Variants in AKNA observed in about 807,000 individuals in gnomAD.
AKNA encodes the protein AT-hook transcription factor, also known as microtubule organization protein AKNA.
Under a neutral mutation model 138.8 loss-of-function variants are expected in AKNA, and 67 were observed. The observed-to-expected ratio is 0.48, with a 90% CI of 0.40 to 0.59. The LOEUF is 0.59. AKNA is among the 20% of genes least tolerant of loss of function. The pLI is 0.00. For synonymous variants in AKNA, 737 were observed against 754.4 expected, an observed-to-expected ratio of 0.98 and a Z score of 0.38; for missense variants, 1,813 against 1,880.4, an observed-to-expected ratio of 0.96 and a Z score of 0.66.
intron 6 of AKNA, 106 bp downstream of exon 6, chr9:114,367,437 G>T: frequency 7.3e-7 from 1 of 1,366,136 alleles, no homozygotes; most frequent in Non-Finnish European, 9.9e-7. Flanking sequence ...AGAGGCAGGG[G>T]AATGACAAGT....
In AKNA at chr9:114,337,086, C is replaced by A. The variant is rs768500725; in HGVS notation, c.4288G>T (p.Ala1430Ser). 6.8e-7 allele frequency: 1 copy of A among 1,475,762 alleles called. No individual in the cohort carries two copies. The highest frequency in any genetic ancestry group is 3.0e-5 in the East Asian group (1 of 33,270). 91.4% of individuals were successfully genotyped at this position (1,475,762 alleles called of 1,614,324 possible). The stretch of plus-strand genomic sequence containing the variant: ...AGGCAGGAGCCCCGCAGGCTGTGAG[C>A]CTGGCGCAGGTCGGCTGACAGCGAG... ...RSSLSADLRQ[A>S]HSLRGSCLF Residue 1430 changes from alanine to serine, a missense_variant, in exon 22 of 22, where the codon GCT (alanine) becomes TCT (serine). Coordinates refer to ENST00000374088, the MANE Select transcript of AKNA (RefSeq NM_001317950.2).
chr9:114,342,692 C>T (rs1830435522), intron 19 of AKNA, among the ~76,000 whole-genome samples: 1 of 152,212 alleles, frequency 6.6e-6, no homozygotes, highest in Non-Finnish European at 1.5e-5. Context: ...GTCTGTTTCT[C>T]TTTCAGGCCT....
chr9:114,371,261 C>T (rs1832751109), intron 4 of AKNA, among the ~76,000 whole-genome samples: 1 of 152,236 alleles, frequency 6.6e-6, no homozygotes, highest in Non-Finnish European at 1.5e-5. Flanking sequence ...TGTGGTGTCA[C>T]TCGTGGGCTT....
intron 15 of AKNA, chr9:114,348,759 C>G (rs1003469381): frequency 9.4e-6 from 4 of 423,894 alleles, no homozygotes; most frequent in African/African-American, 4.1e-5. Context: ...CCCCTCCCCA[C>G]AAGACCCCCT....
chr9:114,374,309 G>A (rs1000764048), intron 3 of AKNA, 142 bp from the exon 4 acceptor site: 1 of 816,644 alleles, frequency 1.2e-6, no homozygotes, highest in South Asian at 1.6e-5. Context: ...GATCCGAGCT[G>A]AGCAATCTTC....
chr9:114,387,755 C>CCTGGCTGGGCTGGTCCGG (rs1564102301), intron 1 of AKNA, 105 bp downstream of exon 1: 1 of 224,094 alleles, frequency 4.5e-6, no homozygotes, highest in Non-Finnish European at 1.0e-5. Context: ...GCTGCAACTT[C>CCTGGCTGGGCTGGTCCGG]CTGGCTGGGC....
chr9:114,376,531 T>C lies in AKNA; in HGVS notation c.1276A>G (p.Ile426Val), dbSNP rs1179018279. The C allele has an allele frequency of 8.1e-6, 13 of 1,613,882 alleles. No individual in the cohort carries two copies. The highest frequency in any genetic ancestry group is 2.7e-5 in the African/African-American group (2 of 74,876). Reference protein sequence around the residue: ...LAKDTPPAHPITRVPQEFQTP... With the variant: ...LAKDTPPAHPVTRVPQEFQTP... ...TGAAATTCTTGGGGTACCCTGGTGA[T>C]AGGGTGGGCAGGAGGCGTGTCCTTT... is the stretch of plus-strand genomic sequence containing the variant. The change falls in exon 3 of 22, where the codon ATC becomes GTC. Residue 426 changes from isoleucine (I) to valine (V), a missense_variant. Ile to Val is a conservative substitution (Grantham distance 29). Coordinates refer to ENST00000374088, the MANE Select transcript of AKNA (RefSeq NM_001317950.2).
rs1833641522 is a variant in AKNA, at chr9:114,381,188, T to C, written c.146A>G (p.Asn49Ser). 7 of 1,614,174 alleles carry C rather than the reference T, an allele frequency of 4.3e-6. No individual in the cohort carries two copies. The highest frequency in any genetic ancestry group is 3.3e-5 in the Admixed American group (2 of 60,024). ...CTCTAGGAGCTCGGGGCTGGTGGCA[T>C]TGGGAAAGAGTCTCTCTTCTTCCCA... is the stretch of plus-strand genomic sequence containing the variant. ...QSWEEERLFP[N>S]ATSPELLEDF... The change falls in exon 2 of 22, where the codon AAT becomes AGT. Residue 49 changes from asparagine to serine, a missense_variant. Physicochemically the swap from Asn to Ser is conservative, Grantham distance 46. Transcript: ENST00000374088.
At chr9:114,342,147 T>A in intron 19 of AKNA, 22 bp from the exon 20 acceptor site, 1 of 1,523,454 alleles carries the variant, frequency 6.6e-7, no homozygotes, top group Admixed American at 2.1e-5. Context: ...GGAAGAGATG[T>A]CAGGGGAGGA....
chr9:114,337,791 G>GTAA (rs35676827), intron 21 of AKNA, among the ~76,000 whole-genome samples: 36,892 of 151,160 alleles, frequency 0.24, 4,599 homozygotes, highest in South Asian at 0.32. Context: ...ATTAATAATA[G>GTAA]TAATAATAAT....
rs539561185 is a variant in AKNA at position 114,359,719 on chromosome 9, T to C, written c.2367A>G (p.Glu789=). The change falls in exon 11 of 22, where the codon GAA becomes GAG. Residue 789 remains glutamate, a synonymous_variant. Coordinates refer to ENST00000374088, the MANE Select transcript of AKNA (RefSeq NM_001317950.2). ...EEEEGEEEEE[E]EGGGDSLEVD... ...CTTCCAGGGAGTCACCTCCCCCCTC[T>C]TCCTCCTCCTCCTCCTCTCCTTCTT... The C allele has an allele frequency of 3.1e-6, 5 of 1,608,694 alleles. No homozygotes were observed. The highest frequency in any genetic ancestry group is 4.2e-6 in the Non-Finnish European group (5 of 1,177,264).
chr9:114,354,959 C>A (rs947954090), intron 14 of AKNA, among the ~76,000 whole-genome samples: 2 of 149,330 alleles, frequency 1.3e-5, no homozygotes, highest in African/African-American at 5.0e-5. Context: ...ACCTCTGCCT[C>A]CGCCTCCTGG....
chr9:114,363,102 A>C (rs1588985983), intron 7 of AKNA, among the ~76,000 whole-genome samples: 1 of 152,228 alleles, frequency 6.6e-6, no homozygotes, highest in East Asian at 1.9e-4. Flanking sequence ...GAGAGGGGTG[A>C]TTTATCATCT....
rs1829939429 is a variant in AKNA at position 114,335,096 on chromosome 9, G to A, written c.*1958C>T. ...TACTCAGGAGGATCCGCTGAAAAAT[G>A]AAACAGAAATGAGTCATGATGGGCA... On this transcript the variant is annotated 3_prime_UTR_variant, in exon 22 of 22. Transcript: ENST00000374088. 6.6e-6 allele frequency: 1 copy of A among 152,272 alleles called. No homozygotes were observed. The allele number at this position is 152,272 out of a possible 1,614,324, so 9.4% of individuals were successfully genotyped here. A position where few individuals can be genotyped will look rare whatever the true frequency, so the allele number is the denominator to read the frequency against.
At chr9:114,386,961 C>G (rs577614954) in intron 1 of AKNA, among the ~76,000 whole-genome samples, 1 of 152,036 alleles carries the variant, frequency 6.6e-6, no homozygotes, top group Non-Finnish European at 1.5e-5. Flanking sequence ...CCTGCTTCTA[C>G]CCCCACCCAC....
At chr9:114,358,222 G>A in intron 11 of AKNA, 55 bp from the exon 12 acceptor site, 1 of 1,606,420 alleles carries the variant, frequency 6.2e-7, no homozygotes, top group Non-Finnish European at 8.5e-7. Flanking sequence ...CCTGACGCAG[G>A]GGTTGGCCTG....
intron 15 of AKNA, chr9:114,348,774 C>T: frequency 2.3e-6 from 1 of 436,510 alleles, no homozygotes; most frequent in Non-Finnish European, 4.7e-6. Context: ...CCCCCTCAAC[C>T]ACGGAGCAGC....
intron 7 of AKNA, 128 bp from the exon 8 acceptor site, chr9:114,362,661 A>G (rs1431986511): frequency 2.4e-6 from 3 of 1,275,772 alleles, no homozygotes; most frequent in Non-Finnish European, 3.1e-6. Context: ...TTCATGCAAG[A>G]TACAGGCTGA....
intron 15 of AKNA, 88 bp from the exon 16 acceptor site, chr9:114,347,988 T>G: frequency 7.0e-7 from 1 of 1,434,450 alleles, no homozygotes; most frequent in Non-Finnish European, 9.4e-7. Flanking sequence ...GCGGCAGCCT[T>G]TGTCCCTTCA....
Sources: gnomAD v4.1 joint callset for allele counts (sites outside exome capture counted in the v4.1 genomes callset) on GRCh38, gnomAD v4.1.1 for gene constraint, MANE v1.5 for transcripts, NCBI Gene and HGNC (gene_info 2026-07-23, HGNC 2026-07-21) for gene names.